JPH2: variants seen among roughly 807,000 people sequenced by gnomAD.
JPH2 encodes the protein junctophilin-2.
JPH2 carries 38 observed loss-of-function variants against 55.9 expected under a neutral mutation model. The ratio of observed to expected loss-of-function variants is 0.68; its 90% CI spans 0.52 to 0.89. JPH2 has a LOEUF of 0.89. Among genes scored for constraint, JPH2 ranks in the 40% least tolerant of loss-of-function variants. The pLI, the probability that JPH2 is intolerant of heterozygous loss-of-function variation, is 0.00. For synonymous variants in JPH2, 480 were observed against 472.4 expected (o/e 1.02, Z -0.21); for missense variants, 964 against 1,037.6 (o/e 0.93, Z 0.97).
chr20:44,106,896 C>T lies in JPH2; in HGVS notation c.*6622G>A, dbSNP rs1183120538. On this transcript the variant is annotated 3_prime_UTR_variant, in exon 6 of 6. Coordinates refer to ENST00000372980, the MANE Select transcript of JPH2 (RefSeq NM_020433.5). ...GAGAACACAGCCAAACCATATCACC[C>T]AGTAACAGAGCAAGGGAGGGGTATA... 6.6e-6 allele frequency among the ~76,000 whole-genome samples: 1 copy of T among 152,104 alleles called. No homozygotes were observed. The highest frequency in any genetic ancestry group is 1.5e-5 in the Non-Finnish European group (1 of 68,028).
At chr20:44,116,818 A>G (rs2072196620) in intron 3 of JPH2, among the ~76,000 whole-genome samples, 1 of 152,228 alleles carries the variant, frequency 6.6e-6, no homozygotes, top group Non-Finnish European at 1.5e-5. Flanking sequence ...GGCGGAGCTC[A>G]GGGCCCCGCA....
At chr20:44,165,943 A>G (rs1204049744) in intron 1 of JPH2, among the ~76,000 whole-genome samples, 1 of 152,100 alleles carries the variant, frequency 6.6e-6, no homozygotes, top group East Asian at 1.9e-4. Context: ...GAGCATATCT[A>G]GTGCAACATA....
At chr20:44,118,010 G>A (rs1299319427) in intron 3 of JPH2, among the ~76,000 whole-genome samples, 1 of 152,206 alleles carries the variant, frequency 6.6e-6, no homozygotes, top group East Asian at 1.9e-4. Flanking sequence ...GGAAGCAGCG[G>A]AATCAGGGTT....
chr20:44,114,215 A>G (rs1310399604), intron 5 of JPH2, among the ~76,000 whole-genome samples: 1 of 152,158 alleles, frequency 6.6e-6, no homozygotes, highest in East Asian at 1.9e-4. Context: ...AAAAACTGAG[A>G]GGGAACCAAT....
At chr20:44,125,622 T>C (rs1160853122) in intron 2 of JPH2, among the ~76,000 whole-genome samples, 3 of 152,142 alleles carry the variant, frequency 2.0e-5, no homozygotes, top group African/African-American at 7.2e-5. Context: ...CGCAGCCCAA[T>C]GCAGCCCTGC....
Position 44,106,819 on chromosome 20 carries a change from C to T in JPH2, c.*6699G>A, listed in dbSNP as rs760326698. Reference sequence around the variant, plus strand: ...TTGCCCCCATGATTCAATTACCTCCCACTGGGTCCCTCCCACAACGTGTGG... The same window carrying T: ...TTGCCCCCATGATTCAATTACCTCCTACTGGGTCCCTCCCACAACGTGTGG... On this transcript the variant is annotated 3_prime_UTR_variant, in exon 6 of 6. Transcript: ENST00000372980. 1.1e-4 allele frequency among the ~76,000 whole-genome samples: 16 copies of T among 152,114 alleles called. No homozygotes were observed. Among genetic ancestry groups the T allele is most frequent in the Admixed American group, 2.6e-4 (4 of 15,286 alleles).
In JPH2 at chr20:44,106,954, C is replaced by G. The variant is rs2072112637; in HGVS notation, c.*6564G>C. ...AATGGGAGATGCTCTACAAGCAATC[C>G]TTGCTCTGGAGCTCCCACTGGGTTG... On this transcript the variant is annotated 3_prime_UTR_variant, in exon 6 of 6. Coordinates refer to ENST00000372980, the MANE Select transcript of JPH2 (RefSeq NM_020433.5). 6.6e-6 allele frequency among the ~76,000 whole-genome samples: 1 copy of G among 152,096 alleles called. No individual in the cohort carries two copies. Among genetic ancestry groups the G allele is most frequent in the Non-Finnish European group, 1.5e-5 (1 of 68,002 alleles).
At chr20:44,144,836 A>C (rs2072482180) in intron 2 of JPH2, among the ~76,000 whole-genome samples, 1 of 152,222 alleles carries the variant, frequency 6.6e-6, no homozygotes, top group Non-Finnish European at 1.5e-5. Context: ...GCTGGCAGGC[A>C]GTGGTGAGAA....
intron 2 of JPH2, among the ~76,000 whole-genome samples, chr20:44,148,464 C>G (rs2145869645): frequency 6.6e-6 from 1 of 152,280 alleles, no homozygotes; most frequent in South Asian, 2.1e-4. Context: ...ACACAATGGC[C>G]TTCCCCTAAC....
At position 44,159,679 on chromosome 20, in the gene JPH2, C is replaced by G; in HGVS notation, c.1108G>C (p.Val370Leu). 2 of 1,612,370 alleles carry G rather than the reference C, an allele frequency of 1.2e-6. No homozygotes were observed. The highest frequency in any genetic ancestry group is 1.7e-6 in the Non-Finnish European group (2 of 1,179,962). Residue 370 changes from valine to leucine, a missense_variant, in exon 2 of 6, where the codon GTG (valine) becomes CTG (leucine). Val to Leu is a conservative substitution (Grantham distance 32). Transcript: ENST00000372980. This position sits in a 1 kb window ranked among gnomAD's most constrained non-coding sequence, Gnocchi z 5.7. ...GCAGCGGCGCGCTGGGCACCCTCCA[C>G]ACTGTGCTCCACTTTCTGGCGGACC... ...NKVRQKVEHS[V>L]EGAQRAAAIA... is the part of the protein sequence containing the mutation.
Position 44,183,371 on chromosome 20 carries a change from A to G in JPH2, c.379+2956T>C, listed in dbSNP as rs566878637. 7.9e-5 allele frequency among the ~76,000 whole-genome samples: 12 copies of G among 152,354 alleles called. No homozygotes were observed. The South Asian group carries it at 2.5e-3, about 32-fold the overall frequency. ...AGTTGTGGAGCCAGAATCTGTGCTC[A>G]GGGCTGTTCAGTCCCCAGCCAGTGC... On this transcript the variant is annotated intron_variant, in intron 1 of 5. Transcript: ENST00000372980.
intron 2 of JPH2, among the ~76,000 whole-genome samples, chr20:44,156,502 C>T (rs186877193): frequency 3.4e-4 from 51 of 152,214 alleles, no homozygotes; most frequent in East Asian, 2.7e-3. Flanking sequence ...TACCTGGGAC[C>T]GGGTCATTTG....
At chr20:44,174,416 C>A (rs897867357) in intron 1 of JPH2, among the ~76,000 whole-genome samples, 1 of 152,186 alleles carries the variant, frequency 6.6e-6, no homozygotes, top group Non-Finnish European at 1.5e-5. Flanking sequence ...TTTTTGCATC[C>A]TGAGGGCTCC....
chr20:44,178,379 A>G (rs1470430784), intron 1 of JPH2, among the ~76,000 whole-genome samples: 1 of 152,258 alleles, frequency 6.6e-6, no homozygotes, highest in African/African-American at 2.4e-5. Flanking sequence ...CTAGGGATAA[A>G]ATTAACAAAA....
chr20:44,173,687 G>A (rs1569218036), intron 1 of JPH2, among the ~76,000 whole-genome samples: 1 of 152,128 alleles, frequency 6.6e-6, no homozygotes, highest in Non-Finnish European at 1.5e-5. Context: ...AGGCCAAGGT[G>A]GGTGGGTCAC....
intron 5 of JPH2, 134 bp downstream of exon 5, chr20:44,114,648 C>A (rs1404203828): frequency 6.4e-6 from 4 of 626,968 alleles, no homozygotes; most frequent in African/African-American, 5.5e-5. Flanking sequence ...TTGGCTTCTG[C>A]AGGTGGGTGG....
At chr20:44,120,021 G>A (rs2072223971) in intron 2 of JPH2, among the ~76,000 whole-genome samples, 1 of 152,058 alleles carries the variant, frequency 6.6e-6, no homozygotes, top group Non-Finnish European at 1.5e-5. Context: ...AGAGCCCCCG[G>A]TGGACTGGCT....
chr20:44,166,413 GAA>G (rs2072656309), intron 1 of JPH2, among the ~76,000 whole-genome samples: 1 of 152,236 alleles, frequency 6.6e-6, no homozygotes, highest in Admixed American at 6.5e-5. Flanking sequence ...TAAACTGGGA[GAA>G]AGAGACAAGA....
In JPH2 at chr20:44,186,700, A is replaced by G; in HGVS notation, c.6T>C (p.Ser2=). The part of the protein sequence containing the change: M[S]GGRFDFDDGG... ...CATCATCAAAGTCGAAGCGGCCCCC[A>G]CTCATCTCATCATAGCCCCTGACAA... The change falls in exon 1 of 6, where the codon AGT becomes AGC. Residue 2 remains serine, a synonymous_variant. Transcript: ENST00000372980. 6.7e-7 allele frequency: 1 copy of G among 1,484,144 alleles called. No homozygotes were observed. Among genetic ancestry groups the G allele is most frequent in the East Asian group, 2.6e-5 (1 of 38,702 alleles). The allele number at this position is 1,484,144 out of a possible 1,614,324, so 91.9% of individuals were successfully genotyped here. A position where few individuals can be genotyped will look rare whatever the true frequency, so the allele number is the denominator to read the frequency against.
Sources: allele counts gnomAD v4.1 joint callset (sites outside exome capture counted in the v4.1 genomes callset), GRCh38; gene constraint gnomAD v4.1.1; non-coding constraint Gnocchi (gnomAD v3.1); transcripts MANE v1.5; gene names NCBI Gene and HGNC (gene_info 2026-07-23, HGNC 2026-07-21).